Variants in PTPRK observed in about 807,000 individuals in gnomAD.
The protein encoded by PTPRK is protein tyrosine phosphatase receptor type K.
A neutral mutation model predicts 178.0 loss-of-function variants in PTPRK; 75 were observed. The ratio of observed to expected loss-of-function variants is 0.42; its 90% confidence interval spans 0.35 to 0.51. PTPRK has a LOEUF of 0.51. PTPRK is among the 20% of genes least tolerant of loss of function. The pLI is 0.02. For missense variants in PTPRK, 1,441 were observed against 1,797.8 expected (o/e 0.80, Z 3.59); for synonymous variants, 637 against 620.6 (o/e 1.03, Z -0.39).
At chr6:128,491,741 C>G in intron 1 of PTPRK, 1 of 517,004 alleles carries the variant, frequency 1.9e-6, no homozygotes, top group Non-Finnish European at 3.9e-6. Context: ...CCTTTTCAAT[C>G]GCCCTTCATG....
At chr6:128,436,618 A>T (rs536305859) in intron 1 of PTPRK, among the ~76,000 whole-genome samples, 327 of 152,164 alleles carry the variant, frequency 2.1e-3, no homozygotes, top group Non-Finnish European at 3.6e-3. Flanking sequence ...TTATAAAATG[A>T]TATGCTGAGA....
At chr6:127,992,595 A>C in intron 19 of PTPRK, 78 bp downstream of exon 19, 1 of 1,269,136 alleles carries the variant, frequency 7.9e-7, no homozygotes, top group Non-Finnish European at 1.1e-6. Context: ...GATAAAATTT[A>C]AAAAATAATA....
At chr6:128,108,379 G>T (rs1359501501) in intron 7 of PTPRK, among the ~76,000 whole-genome samples, 2 of 152,050 alleles carry the variant, frequency 1.3e-5, no homozygotes. Flanking sequence ...AGGCAACAAG[G>T]TACGTACTAT....
At position 128,391,300 on chromosome 6, in the gene PTPRK, C is replaced by T. The variant is rs74424433; in HGVS notation, c.223+6266G>A. ...CCTCATGTTAAGCCCTTCCTCTCCC[C>T]ATTACCACCAAATCTCTCAGTTCCC... On this transcript the variant is annotated intron_variant, in intron 2 of 29. Coordinates refer to ENST00000368226, the MANE Select transcript of PTPRK (RefSeq NM_002844.4). 6.4e-3 allele frequency among the ~76,000 whole-genome samples: 976 copies of T among 152,150 alleles called. 11 individuals are homozygous for T. Among genetic ancestry groups the T allele is most frequent in the African/African-American group, 0.023 (943 of 41,512 alleles).
At chr6:128,033,703 T>C (rs1193766051) in intron 13 of PTPRK, among the ~76,000 whole-genome samples, 3 of 151,942 alleles carry the variant, frequency 2.0e-5, no homozygotes, top group African/African-American at 7.3e-5. Flanking sequence ...GAGATCTAGT[T>C]TCTACAAAAA....
chr6:128,078,214 G>A (rs895395019), intron 11 of PTPRK, among the ~76,000 whole-genome samples: 1 of 151,956 alleles, frequency 6.6e-6, no homozygotes, highest in Admixed American at 6.6e-5. Flanking sequence ...ATGGTTCAGT[G>A]CATGAATATC....
chr6:127,976,645 A>G lies in PTPRK; in HGVS notation c.3969+12T>C. On this transcript the variant is annotated intron_variant, in intron 27 of 29. Coordinates refer to ENST00000368226, the MANE Select transcript of PTPRK (RefSeq NM_002844.4). ...ATTCTAGATCAGCTCAAAGGATCCG[A>G]TAGTGACTTACTCTTGTTAGATTGC... The G allele has an allele frequency of 6.2e-7, 1 of 1,614,024 alleles. No homozygotes were observed. Among genetic ancestry groups the G allele is most frequent in the Non-Finnish European group, 8.5e-7 (1 of 1,179,960 alleles).
chr6:128,312,159 A>C (rs1827322933), intron 3 of PTPRK, among the ~76,000 whole-genome samples: 1 of 152,170 alleles, frequency 6.6e-6, no homozygotes, highest in Non-Finnish European at 1.5e-5. Flanking sequence ...TTTGTACAGC[A>C]TTTCTTCCTC....
At chr6:128,284,529 T>C (rs1822164038) in intron 3 of PTPRK, among the ~76,000 whole-genome samples, 1 of 152,208 alleles carries the variant, frequency 6.6e-6, no homozygotes. Flanking sequence ...CAATGAAAAG[T>C]GTCCAATGCA....
chr6:128,173,614 T>C (rs527979494), intron 7 of PTPRK, among the ~76,000 whole-genome samples: 4 of 152,072 alleles, frequency 2.6e-5, no homozygotes, highest in African/African-American at 7.2e-5. Context: ...CTTCTAAAAC[T>C]TTCCCCAATG....
chr6:128,507,874 C>T (rs751701005), intron 1 of PTPRK, among the ~76,000 whole-genome samples: 2 of 152,160 alleles, frequency 1.3e-5, no homozygotes, highest in Admixed American at 6.5e-5. Flanking sequence ...CTCTCCTCTG[C>T]CTGACTTTGT....
chr6:128,076,247 T>C (rs1783785732), intron 11 of PTPRK, among the ~76,000 whole-genome samples: 1 of 151,968 alleles, frequency 6.6e-6, no homozygotes, highest in African/African-American at 2.4e-5. Context: ...TTTCAAAAAA[T>C]TAAGGCACTG....
intron 13 of PTPRK, among the ~76,000 whole-genome samples, chr6:128,024,697 C>T (rs1026848770): frequency 2.6e-5 from 4 of 152,202 alleles, no homozygotes; most frequent in East Asian, 1.9e-4. Context: ...ATAATCCCAG[C>T]TACCTGGGAG....
At chr6:128,354,024 C>T (rs1279735869) in intron 2 of PTPRK, among the ~76,000 whole-genome samples, 1 of 151,964 alleles carries the variant, frequency 6.6e-6, no homozygotes, top group Non-Finnish European at 1.5e-5. Context: ...CTTATAACTG[C>T]ATGTGAATTT....
At chr6:128,419,112 T>C (rs550986559) in intron 1 of PTPRK, among the ~76,000 whole-genome samples, 35 of 152,198 alleles carry the variant, frequency 2.3e-4, no homozygotes, top group Non-Finnish European at 3.5e-4. Flanking sequence ...TTCTGTTTTG[T>C]TTGGTTTCTG....
chr6:128,233,382 G>C (rs1330090031), intron 5 of PTPRK, among the ~76,000 whole-genome samples: 1 of 152,192 alleles, frequency 6.6e-6, no homozygotes, highest in African/African-American at 2.4e-5. Flanking sequence ...CAAGGCTTTG[G>C]AATTTGCCTG....
chr6:128,450,194 G>A (rs1181242199), intron 1 of PTPRK, among the ~76,000 whole-genome samples: 1 of 152,012 alleles, frequency 6.6e-6, no homozygotes, highest in East Asian at 1.9e-4. Flanking sequence ...CTTTGACAGT[G>A]GAGAAAAGTA....
Position 128,444,228 on chromosome 6 carries a change from C to T in PTPRK, c.101-46540G>A, listed in dbSNP as rs574750175. ...CCCAAGAATGCCAGACGTGAATAGC[C>T]CAATGTTAGCAAAATCCTGCTTATC... is the stretch of plus-strand genomic sequence containing the variant. On this transcript the variant is annotated intron_variant, in intron 1 of 29. Transcript: ENST00000368226. Among the ~76,000 whole-genome samples the T allele has an allele frequency of 9.9e-5, 15 of 152,230 alleles. No homozygotes were observed. The South Asian group carries it at 3.1e-3, about 32-fold the overall frequency.
At chr6:128,417,657 T>C (rs1842993497) in intron 1 of PTPRK, among the ~76,000 whole-genome samples, 1 of 152,230 alleles carries the variant, frequency 6.6e-6, no homozygotes, top group Non-Finnish European at 1.5e-5. Flanking sequence ...AAGGTGGGCC[T>C]TCCATTTTGA....
Sources: gnomAD v4.1 joint callset for allele counts (sites outside exome capture counted in the v4.1 genomes callset) on GRCh38, gnomAD v4.1.1 for gene constraint, MANE v1.5 for transcripts, NCBI Gene and HGNC (gene_info 2026-07-23, HGNC 2026-07-21) for gene names.